PHAX: variants seen among roughly 807,000 people sequenced by gnomAD.
PHAX encodes phosphorylated adaptor for RNA export, also known as phosphorylated adapter RNA export protein.
In PHAX, 31 loss-of-function variants were observed where a neutral mutation model predicts 41.6. The ratio of observed to expected loss-of-function variants is 0.75; its 90% CI spans 0.56 to 1.01. The LOEUF is 1.01. Among genes scored for constraint, PHAX ranks in the 50% least tolerant of loss-of-function variants. The pLI is 0.00. For missense variants in PHAX, 453 were observed against 472.9 expected, an observed-to-expected ratio of 0.96 and a Z score of 0.39; for synonymous variants, 175 against 164.9, an observed-to-expected ratio of 1.06 and a Z score of -0.47.
chr5:126,623,674 A>G (rs1752305182), intron 4 of PHAX, among the ~76,000 whole-genome samples: 2 of 152,082 alleles, frequency 1.3e-5, no homozygotes, highest in Admixed American at 6.6e-5. Flanking sequence ...AGATCTTTAC[A>G]CCTTCCTCTG....
chr5:126,601,307 A>T (rs547586859), intron 1 of PHAX, among the ~76,000 whole-genome samples: 1 of 151,562 alleles, frequency 6.6e-6, no homozygotes, highest in East Asian at 2.0e-4. Flanking sequence ...GGCCGTGCGA[A>T]CCCCGAACTG....
At chr5:126,621,027 C>T (rs898888958) in intron 4 of PHAX, among the ~76,000 whole-genome samples, 30 of 151,642 alleles carry the variant, frequency 2.0e-4, no homozygotes, top group African/African-American at 6.5e-4. Flanking sequence ...TGAGCCACTG[C>T]GCCTGGCCAA....
chr5:126,600,997 A>T lies in PHAX; in HGVS notation c.35A>T (p.Gln12Leu). 6.2e-7 allele frequency: 1 copy of T among 1,605,762 alleles called. No homozygotes were observed. ...GAGGTCGGCGATATGGAAGATGGGC[A>T]GCTTTCCGACTCGGATTCCGACATG... ...ALEVGDMEDGQLSDSDSDMTV... is the reference protein window; with the variant it reads ...ALEVGDMEDGLLSDSDSDMTV... The change falls in exon 1 of 5, where the codon CAG becomes CTG. Residue 12 changes from glutamine (Q) to leucine (L), a missense_variant. Transcript: ENST00000297540.
Position 126,620,222 on chromosome 5 carries a change from C to T in PHAX, c.915+2889C>T, listed in dbSNP as rs895440530. Among the ~76,000 whole-genome samples, 38 of 152,130 alleles carry T rather than the reference C, an allele frequency of 2.5e-4. 1 individual carries two copies. The highest frequency in any genetic ancestry group is 8.7e-4 in the African/African-American group (36 of 41,426). On this transcript the variant is annotated intron_variant, in intron 4 of 4. Coordinates refer to ENST00000297540, the MANE Select transcript of PHAX (RefSeq NM_032177.4). ...TTCATTGTAACAACTGTTTCAGTAA[C>T]ATGATTTGTAACAATGTAAGTTTCC... is the stretch of plus-strand genomic sequence containing the variant.
At chr5:126,602,405 C>T (rs142909923) in intron 1 of PHAX, among the ~76,000 whole-genome samples, 122 of 152,306 alleles carry the variant, frequency 8.0e-4, no homozygotes, top group African/African-American at 2.8e-3. Flanking sequence ...TTTTTGTCTA[C>T]CTCTGTGGAA....
chr5:126,603,254 T>C (rs1422324441), intron 1 of PHAX, among the ~76,000 whole-genome samples: 1 of 151,976 alleles, frequency 6.6e-6, no homozygotes, highest in East Asian at 1.9e-4. Flanking sequence ...ACAATTATTA[T>C]GTATGTCATT....
At chr5:126,618,163 A>G (rs2112836615) in intron 4 of PHAX, among the ~76,000 whole-genome samples, 1 of 151,902 alleles carries the variant, frequency 6.6e-6, no homozygotes, top group African/African-American at 2.4e-5. Flanking sequence ...CTGGTCTGGA[A>G]CTCTGGGCTC....
At chr5:126,601,113 C>CG in intron 1 of PHAX, 55 bp downstream of exon 1, 1 of 1,250,938 alleles carries the variant, frequency 8.0e-7, no homozygotes, top group Non-Finnish European at 1.1e-6. Flanking sequence ...GCCTGGGCCC[C>CG]GGGGAGCGCG....
At chr5:126,623,454 G>A (rs570423612) in intron 4 of PHAX, among the ~76,000 whole-genome samples, 1 of 152,302 alleles carries the variant, frequency 6.6e-6, no homozygotes, top group African/African-American at 2.4e-5. Context: ...TAATGTGTGT[G>A]TAAAGTCCTT....
intron 3 of PHAX, 21 bp downstream of exon 3, chr5:126,608,505 T>C (rs1581417634): frequency 6.3e-7 from 1 of 1,592,474 alleles, no homozygotes; most frequent in South Asian, 1.1e-5. Context: ...TTAACTGTTT[T>C]TGTTTTTGTA....
chr5:126,611,733 G>A (rs1752104728), intron 3 of PHAX, among the ~76,000 whole-genome samples: 1 of 151,718 alleles, frequency 6.6e-6, no homozygotes, highest in East Asian at 1.9e-4. Context: ...CAAGGCTGCA[G>A]TGAACTGTAA....
intron 2 of PHAX, among the ~76,000 whole-genome samples, chr5:126,607,820 G>C (rs1752014758): frequency 6.6e-6 from 1 of 152,150 alleles, no homozygotes; most frequent in Non-Finnish European, 1.5e-5. Context: ...GTACATTCTT[G>C]AGAGAATCAG....
chr5:126,605,204 A>G (rs903163877), intron 2 of PHAX, among the ~76,000 whole-genome samples: 5 of 149,986 alleles, frequency 3.3e-5, no homozygotes. Flanking sequence ...TGCTCTGGTC[A>G]CTCAGCTGGA....
At chr5:126,623,563 C>T (rs1752303379) in intron 4 of PHAX, among the ~76,000 whole-genome samples, 1 of 152,126 alleles carries the variant, frequency 6.6e-6, no homozygotes. Context: ...TATGTACCCT[C>T]CTTCTCCCTC....
At chr5:126,608,726 C>T (rs942209089) in intron 3 of PHAX, among the ~76,000 whole-genome samples, 1 of 151,846 alleles carries the variant, frequency 6.6e-6, no homozygotes, top group South Asian at 2.1e-4. Flanking sequence ...CACCTGAGAT[C>T]GGGAGTTCGA....
chr5:126,623,211 C>T (rs1166997250), intron 4 of PHAX, among the ~76,000 whole-genome samples: 2 of 151,978 alleles, frequency 1.3e-5, no homozygotes, highest in Non-Finnish European at 2.9e-5. Flanking sequence ...TTGCTTTAGT[C>T]CAGGAATTCG....
intron 2 of PHAX, among the ~76,000 whole-genome samples, chr5:126,607,544 T>TA (rs547087262): frequency 2.7e-3 from 413 of 152,100 alleles, no homozygotes; most frequent in Non-Finnish European, 5.4e-3. Context: ...GCTGGGATTA[T>TA]AGGCATGTGC....
chr5:126,612,273 A>G (rs990162082), intron 3 of PHAX, among the ~76,000 whole-genome samples: 2 of 152,188 alleles, frequency 1.3e-5, no homozygotes, highest in Non-Finnish European at 2.9e-5. Flanking sequence ...AGCAGAGTGC[A>G]TGAGAGAGTG....
In PHAX at chr5:126,624,736, T is replaced by C; in HGVS notation, c.1077T>C (p.Asn359=). ...TSRETFASDT[N]EALASLDESQ... ...GAGAAACTTTTGCAAGTGACACGAA[T>C]GAGGCCTTGGCCTCTCTTGATGAGT... Residue 359 remains asparagine, a synonymous_variant, in exon 5 of 5, where the codon AAT becomes AAC. Coordinates refer to ENST00000297540, the MANE Select transcript of PHAX (RefSeq NM_032177.4). 1 of 1,614,202 alleles carries C rather than the reference T, an allele frequency of 6.2e-7. No individual in the cohort carries two copies. Among genetic ancestry groups the C allele is most frequent in the Non-Finnish European group, 8.5e-7 (1 of 1,180,018 alleles).
Sources: allele counts gnomAD v4.1 joint callset (sites outside exome capture counted in the v4.1 genomes callset), GRCh38; gene constraint gnomAD v4.1.1; transcripts MANE v1.5; gene names NCBI Gene and HGNC (gene_info 2026-07-23, HGNC 2026-07-21).